Variants in AGRN observed in about 807,000 individuals in gnomAD.
AGRN encodes agrin, also known as agrin proteoglycan.
Under a neutral mutation model 211.0 loss-of-function variants are expected in AGRN, and 106 were observed. The observed-to-expected ratio is 0.50, with a 90% CI of 0.43 to 0.59. The LOEUF is 0.59. Among genes scored for constraint, AGRN ranks in the 20% least tolerant of loss-of-function variants. The probability of loss-of-function intolerance (pLI) is 0.00; values close to 1 mark genes in which losing one functional copy is unlikely to be tolerated. For synonymous variants in AGRN, 1,525 were observed against 1,332.5 expected (o/e 1.14, Z -3.15); for missense variants, 3,040 against 2,982.6 (o/e 1.02, Z -0.45).
chr1:1,050,152 A>G, intron 27 of AGRN, 81 bp from the exon 28 acceptor site: 7 of 1,595,492 alleles, frequency 4.4e-6, no homozygotes, highest in Non-Finnish European at 6.0e-6. Context: ...CTGGGTTTTG[A>G]GTTAGGATCC....
intron 2 of AGRN, among the ~76,000 whole-genome samples, chr1:1,030,376 C>CGTGT: frequency 3.6e-5 from 1 of 27,818 alleles, no homozygotes; most frequent in East Asian, 2.2e-3. Context: ...GTGAGATCAG[C>CGTGT]ATGTGTGTGT....
chr1:1,022,008 G>A (rs986810195), intron 1 of AGRN, among the ~76,000 whole-genome samples, 193 bp from the exon 2 acceptor site: 13 of 152,256 alleles, frequency 8.5e-5, no homozygotes, highest in African/African-American at 2.4e-4. Context: ...ATCTCTGAGC[G>A]TTCCCGCATG....
rs1481883127 is a variant in AGRN at position 1,031,264 on chromosome 1, T to A, written c.464-4013T>A. ...ATGTCTGTGTGTGTGCAGTGCATGG[T>A]GCTGAGTGTGAGATCAGCATGTGTG... On this transcript the variant is annotated intron_variant, in intron 2 of 35. Coordinates refer to ENST00000379370, the MANE Select transcript of AGRN (RefSeq NM_198576.4). This position sits in a 1 kb window ranked among gnomAD's most constrained non-coding sequence, Gnocchi z 4.8. Among the ~76,000 whole-genome samples the A allele has an allele frequency of 6.6e-6, 1 of 151,310 alleles. No individual in the cohort carries two copies. The highest frequency in any genetic ancestry group is 1.5e-5 in the Non-Finnish European group (1 of 67,844).
Position 1,036,101 on chromosome 1 carries a change from G to T in AGRN, c.511+777G>T, listed in dbSNP as rs1276227705. Among the ~76,000 whole-genome samples the T allele has an allele frequency of 1.1e-3, 173 of 152,162 alleles. 1 individual carries two copies. The highest frequency in any genetic ancestry group is 1.9e-4 in the Non-Finnish European group (13 of 68,008). On this transcript the variant is annotated intron_variant, in intron 3 of 35. Transcript: ENST00000379370. Reference sequence around the variant, plus strand: ...CACTGGGTCTCACTTGCGTTCAGTTGTGTGTGCAGGGCTGTCTGTGAGGGC... The same window carrying T: ...CACTGGGTCTCACTTGCGTTCAGTTTTGTGTGCAGGGCTGTCTGTGAGGGC...
At chr1:1,043,205 T>C (rs770752544) in intron 7 of AGRN, 34 bp from the exon 8 acceptor site, 1 of 1,552,028 alleles carries the variant, frequency 6.4e-7, no homozygotes, top group South Asian at 1.2e-5. Flanking sequence ...GAGGGGGGGC[T>C]TGTGGGACCA....
At chr1:1,036,366 G>A (rs1644805311) in intron 3 of AGRN, among the ~76,000 whole-genome samples, 2 of 152,128 alleles carry the variant, frequency 1.3e-5, no homozygotes, top group Non-Finnish European at 2.9e-5. Flanking sequence ...ATAGGGTGGG[G>A]TCTTCCCTCG....
chr1:1,053,448 TC>T, intron 33 of AGRN: 4 of 1,449,730 alleles, frequency 2.8e-6, no homozygotes, highest in South Asian at 1.2e-5. Context: ...CTCCCTCTCT[TC>T]CTGCTTCTAA....
At chr1:1,020,707 G>T (rs1209014832) in intron 1 of AGRN, among the ~76,000 whole-genome samples, 2 of 152,162 alleles carry the variant, frequency 1.3e-5, no homozygotes, top group African/African-American at 4.8e-5. Flanking sequence ...CGGGCGGGGA[G>T]CGGGGGCTGG....
intron 1 of AGRN, among the ~76,000 whole-genome samples, chr1:1,021,542 AG>A (rs1465133491): frequency 6.6e-6 from 1 of 152,180 alleles, no homozygotes; most frequent in Non-Finnish European, 1.5e-5. Flanking sequence ...CTTTGTTCTC[AG>A]GGGAGTGCGT....
At chr1:1,041,111 CGGG>C in intron 4 of AGRN, 59 bp from the exon 5 acceptor site, 1 of 190,532 alleles carries the variant, frequency 5.2e-6, no homozygotes, top group Non-Finnish European at 8.1e-6. Flanking sequence ...CGGAGCGGGG[CGGG>C]AGCGGGGCGG....
chr1:1,027,392 G>A (rs970546176), intron 2 of AGRN, among the ~76,000 whole-genome samples: 1 of 152,222 alleles, frequency 6.6e-6, no homozygotes, highest in South Asian at 2.1e-4. Flanking sequence ...GGTGCTGCAG[G>A]TGTGAGGCTG....
At chr1:1,045,644 C>G in intron 14 of AGRN, 89 bp from the exon 15 acceptor site, 1 of 1,609,162 alleles carries the variant, frequency 6.2e-7, no homozygotes, top group Non-Finnish European at 8.5e-7. Context: ...GGGGGCTGGG[C>G]AGAGCCAGGG....
At chr1:1,052,264 G>A (rs533708102) in intron 33 of AGRN, 41 of 362,022 alleles carry the variant, frequency 1.1e-4, no homozygotes, top group African/African-American at 8.5e-4. Context: ...GTGCGCATAT[G>A]CATGCATGTC....
Position 1,050,417 on chromosome 1 carries a change from A to G in AGRN, c.4977-10A>G, listed in dbSNP as rs142286944. The G allele has an allele frequency of 0.026, 41,466 of 1,612,724 alleles. 655 individuals are homozygous for G. Among genetic ancestry groups the G allele is most frequent in the Non-Finnish European group, 0.03 (35,896 of 1,179,802 alleles). ...GACAGCAAAGACACCCCGACTCCCCATGACCCCAGGGAGAAGATGGCGCTG... is the reference window on the plus strand; with the variant it reads ...GACAGCAAAGACACCCCGACTCCCCGTGACCCCAGGGAGAAGATGGCGCTG... On this transcript the variant is annotated splice_polypyrimidine_tract_variant and intron_variant, in intron 28 of 35. Coordinates refer to ENST00000379370, the MANE Select transcript of AGRN (RefSeq NM_198576.4).
intron 30 of AGRN, 182 bp from the exon 31 acceptor site, chr1:1,051,071 G>A (rs573173581): frequency 4.0e-5 from 62 of 1,548,208 alleles, no homozygotes; most frequent in African/African-American, 9.6e-5. Context: ...TCCGCTCACC[G>A]TCTCTGGCGC....
chr1:1,034,433 A>C, intron 2 of AGRN: 1 of 985,742 alleles, frequency 1.0e-6, no homozygotes, highest in Non-Finnish European at 1.2e-6. Flanking sequence ...CTCTGAGGGC[A>C]CAGCTGCTGT....
At chr1:1,053,232 C>T in intron 33 of AGRN, 1 of 313,678 alleles carries the variant, frequency 3.2e-6, no homozygotes, top group Admixed American at 4.7e-5. Flanking sequence ...TGTCTGTGCC[C>T]TCAAGTGTCT....
chr1:1,051,348 C>T lies in AGRN; in HGVS notation c.5349C>T (p.Gly1783=), dbSNP rs1261644987. The change falls in exon 31 of 36, where the codon GGC becomes GGT. Residue 1783 remains glycine, a synonymous_variant. Coordinates refer to ENST00000379370, the MANE Select transcript of AGRN (RefSeq NM_198576.4). The stretch of plus-strand genomic sequence containing the variant: ...CCCGTGCTGCTGCCGTGTCCTCTGG[C>T]TTCGACGGTGCCATCCAGCTGGTAT... ...KLARAAAVSS[G]FDGAIQLVSL... The T allele has an allele frequency of 6.4e-7, 1 of 1,566,562 alleles. No individual in the cohort carries two copies. Among genetic ancestry groups the T allele is most frequent in the Non-Finnish European group, 8.6e-7 (1 of 1,156,754 alleles).
chr1:1,049,861 C>T (rs763588728), intron 26 of AGRN, 42 bp from the exon 27 acceptor site: 5 of 1,611,446 alleles, frequency 3.1e-6, no homozygotes, highest in Non-Finnish European at 4.2e-6. Flanking sequence ...CCAACCGACG[C>T]CTCCTGGGAC....
Sources: gnomAD v4.1 joint callset for allele counts (sites outside exome capture counted in the v4.1 genomes callset) on GRCh38, gnomAD v4.1.1 for gene constraint, Gnocchi (gnomAD v3.1) non-coding constraint, MANE v1.5 for transcripts, NCBI Gene and HGNC (gene_info 2026-07-23, HGNC 2026-07-21) for gene names.